NMNAT2: variants seen among roughly 807,000 people sequenced by gnomAD.
NMNAT2 encodes nicotinamide nucleotide adenylyltransferase 2.
NMNAT2 carries 11 observed loss-of-function variants against 41.6 expected under a neutral mutation model. The ratio of observed to expected loss-of-function variants is 0.26; its 90% CI spans 0.17 to 0.44. NMNAT2 has a LOEUF of 0.44. Among genes scored for constraint, NMNAT2 ranks in the 20% least tolerant of loss-of-function variants. NMNAT2 has a pLI of 1.00. For synonymous variants in NMNAT2, 148 were observed against 151.2 expected (o/e 0.98, Z 0.16); for missense variants, 288 against 407.7 (o/e 0.71, Z 2.53).
chr1:183,367,249 G>C (rs1329806198), intron 1 of NMNAT2, among the ~76,000 whole-genome samples: 3 of 151,958 alleles, frequency 2.0e-5, no homozygotes, highest in Non-Finnish European at 1.5e-5. Flanking sequence ...ACCTGAGGTC[G>C]GAAGTTTGAG....
intron 1 of NMNAT2, among the ~76,000 whole-genome samples, chr1:183,341,737 A>AAACAAAAACAAAAAC (rs1557883698): frequency 2.2e-5 from 3 of 134,112 alleles, no homozygotes; most frequent in African/African-American, 9.5e-5. Flanking sequence ...AAAAAAAAAA[A>AAACAAAAACAAAAAC]AAAAAAAAAA....
intron 10 of NMNAT2, among the ~76,000 whole-genome samples, chr1:183,257,806 C>T (rs1254192735): frequency 1.3e-5 from 2 of 149,446 alleles, no homozygotes; most frequent in African/African-American, 4.9e-5. Flanking sequence ...TTCAAAAAAC[C>T]AACTCTTCAT....
chr1:183,288,364 T>C (rs1465615578), intron 4 of NMNAT2, among the ~76,000 whole-genome samples: 1 of 152,208 alleles, frequency 6.6e-6, no homozygotes, highest in Admixed American at 6.5e-5. Context: ...GCCTCATGCT[T>C]GCTAGGTGTT....
At chr1:183,389,289 G>A (rs969792942) in intron 1 of NMNAT2, among the ~76,000 whole-genome samples, 3 of 152,108 alleles carry the variant, frequency 2.0e-5, no homozygotes, top group African/African-American at 7.2e-5. Flanking sequence ...TCTCTGTTGA[G>A]CAAAGAACAC....
chr1:183,344,094 T>C (rs1054468836), intron 1 of NMNAT2, among the ~76,000 whole-genome samples: 2 of 152,232 alleles, frequency 1.3e-5, no homozygotes, highest in African/African-American at 4.8e-5. Flanking sequence ...TTGGGTTAAA[T>C]GCTGAGAAGC....
intron 3 of NMNAT2, among the ~76,000 whole-genome samples, chr1:183,292,355 T>C (rs1445316147): frequency 6.6e-6 from 1 of 152,120 alleles, no homozygotes; most frequent in Non-Finnish European, 1.5e-5. Flanking sequence ...CTGGGGCCAG[T>C]GTGGGGCCCT....
chr1:183,400,451 A>G (rs1648776881), intron 1 of NMNAT2, among the ~76,000 whole-genome samples: 1 of 152,192 alleles, frequency 6.6e-6, no homozygotes, highest in African/African-American at 2.4e-5. Flanking sequence ...ATGCTTATGG[A>G]TAGGAAGAAT....
At chr1:183,276,561 C>T (rs1661128566) in intron 8 of NMNAT2, among the ~76,000 whole-genome samples, 1 of 152,160 alleles carries the variant, frequency 6.6e-6, no homozygotes, top group East Asian at 1.9e-4. Flanking sequence ...CTGGGTCTGC[C>T]CTTGAGAGGA....
chr1:183,294,652 C>T (rs549858685), intron 1 of NMNAT2, among the ~76,000 whole-genome samples: 35 of 152,138 alleles, frequency 2.3e-4, no homozygotes, highest in African/African-American at 6.3e-4. Context: ...TAGCCAGACG[C>T]GGTGGCAGGC....
chr1:183,347,213 G>C (rs1372667521), intron 1 of NMNAT2, among the ~76,000 whole-genome samples: 1 of 152,154 alleles, frequency 6.6e-6, no homozygotes, highest in African/African-American at 2.4e-5. Context: ...CCAGCATTTT[G>C]GAGGCCGAGG....
chr1:183,323,736 C>T (rs942793357), intron 1 of NMNAT2, among the ~76,000 whole-genome samples: 4 of 152,170 alleles, frequency 2.6e-5, no homozygotes, highest in African/African-American at 9.7e-5. Flanking sequence ...ACCTTCCCCC[C>T]AGCTTGTCAT....
chr1:183,259,874 C>T (rs1394012650), intron 10 of NMNAT2, among the ~76,000 whole-genome samples: 3 of 152,212 alleles, frequency 2.0e-5, no homozygotes, highest in East Asian at 1.9e-4. Flanking sequence ...GCTGGGATTA[C>T]AGGTGTGAGC....
At chr1:183,284,093 AAC>A in intron 6 of NMNAT2, 54 bp from the exon 7 acceptor site, 1 of 1,526,244 alleles carries the variant, frequency 6.6e-7, no homozygotes. Flanking sequence ...CCTGGTACCC[AAC>A]ACACAGTCTG....
chr1:183,296,178 G>T (rs549961719), intron 1 of NMNAT2, among the ~76,000 whole-genome samples: 1 of 152,182 alleles, frequency 6.6e-6, no homozygotes, highest in East Asian at 1.9e-4. Context: ...ATCACTAAAT[G>T]ATAGTCTATT....
intron 1 of NMNAT2, among the ~76,000 whole-genome samples, chr1:183,307,566 C>G (rs896401976): frequency 1.3e-5 from 2 of 152,154 alleles, no homozygotes; most frequent in East Asian, 3.9e-4. Flanking sequence ...CCTCAGCTTA[C>G]CAAGTAGCTG....
At chr1:183,321,087 G>A (rs1662347969) in intron 1 of NMNAT2, among the ~76,000 whole-genome samples, 1 of 152,142 alleles carries the variant, frequency 6.6e-6, no homozygotes. Context: ...GCAAGATTTA[G>A]GGGCAGTTGC....
At chr1:183,292,115 T>C (rs919288153) in intron 3 of NMNAT2, among the ~76,000 whole-genome samples, 7 of 152,380 alleles carry the variant, frequency 4.6e-5, no homozygotes, top group African/African-American at 1.7e-4. Context: ...TGGCATGCCA[T>C]TATTTTTTTA....
intron 1 of NMNAT2, among the ~76,000 whole-genome samples, chr1:183,310,703 C>A (rs1478330575): frequency 6.6e-6 from 1 of 152,150 alleles, no homozygotes; most frequent in Non-Finnish European, 1.5e-5. Context: ...AGGACAGCCC[C>A]ACAACAAAGA....
At chr1:183,377,127 A>G (rs1272270893) in intron 1 of NMNAT2, among the ~76,000 whole-genome samples, 5 of 152,118 alleles carry the variant, frequency 3.3e-5, no homozygotes, top group African/African-American at 7.2e-5. Context: ...GAAAGCTGGG[A>G]TAAGGGAATA....
Sources: gnomAD v4.1 joint callset for allele counts (sites outside exome capture counted in the v4.1 genomes callset) on GRCh38, gnomAD v4.1.1 for gene constraint, MANE v1.5 for transcripts, NCBI Gene and HGNC (gene_info 2026-07-23, HGNC 2026-07-21) for gene names.